APC: variants seen among roughly 807,000 people sequenced by gnomAD.
The protein encoded by APC is adenomatous polyposis coli protein.
A neutral mutation model predicts 247.0 loss-of-function variants in APC; 72 were observed. That is an observed-to-expected ratio of 0.29 (90% CI 0.24 to 0.35). APC has a LOEUF of 0.35. APC is among the 10% of genes least tolerant of loss of function. The probability of loss-of-function intolerance (pLI) is 1.00; values close to 1 mark genes in which losing one functional copy is unlikely to be tolerated. For missense variants in APC, 3,400 were observed against 3,360.7 expected (o/e 1.01, Z -0.29); for synonymous variants, 1,254 against 1,162.5 (o/e 1.08, Z -1.60).
At chr5:112,747,549 T>C (rs181550957) in intron 1 of APC, among the ~76,000 whole-genome samples, 2 of 152,324 alleles carry the variant, frequency 1.3e-5, no homozygotes, top group Admixed American at 1.3e-4. Flanking sequence ...GATCTAAATG[T>C]AAAGTAAAAT....
chr5:112,810,868 T>C (rs985884139), intron 8 of APC, among the ~76,000 whole-genome samples: 4 of 152,060 alleles, frequency 2.6e-5, no homozygotes, highest in South Asian at 2.1e-4. Flanking sequence ...CTACTAAAAA[T>C]ACAAAACTTA....
intron 6 of APC, among the ~76,000 whole-genome samples, chr5:112,786,315 G>C (rs1758945125): frequency 6.6e-6 from 1 of 152,128 alleles, no homozygotes; most frequent in Non-Finnish European, 1.5e-5. Flanking sequence ...GATGGCAAAT[G>C]ACCAGTAAAA....
intron 1 of APC, among the ~76,000 whole-genome samples, chr5:112,750,885 C>A (rs1455236831): frequency 6.6e-6 from 1 of 152,040 alleles, no homozygotes; most frequent in Non-Finnish European, 1.5e-5. Context: ...GCAAGTTATC[C>A]TAGTGTGTTG....
At chr5:112,721,716 GA>G (rs1234285251) in intron 1 of APC, among the ~76,000 whole-genome samples, 1 of 152,056 alleles carries the variant, frequency 6.6e-6, no homozygotes, top group East Asian at 1.9e-4. Flanking sequence ...GAAAGGAGGA[GA>G]AATGGTTTGG....
intron 6 of APC, among the ~76,000 whole-genome samples, chr5:112,782,408 T>C (rs1333634224): frequency 1.3e-5 from 2 of 152,164 alleles, no homozygotes; most frequent in Non-Finnish European, 2.9e-5. Flanking sequence ...ATGTATATTC[T>C]ATCTGTTTTG....
At chr5:112,759,356 CTT>C (rs887438895) in intron 2 of APC, among the ~76,000 whole-genome samples, 3 of 122,352 alleles carry the variant, frequency 2.5e-5, no homozygotes, top group African/African-American at 3.3e-5. Context: ...TTCTTTCTTT[CTT>C]TTTTTTTTTT....
intron 1 of APC, among the ~76,000 whole-genome samples, chr5:112,710,072 C>CTGG (rs1750761684): frequency 2.0e-5 from 3 of 152,286 alleles, no homozygotes; most frequent in Middle Eastern, 3.4e-3. Flanking sequence ...CCATGATCAT[C>CTGG]AGCTTTTACT....
At chr5:112,818,560 A>G (rs1242425191) in intron 9 of APC, among the ~76,000 whole-genome samples, 1 of 152,210 alleles carries the variant, frequency 6.6e-6, no homozygotes, top group Non-Finnish European at 1.5e-5. Context: ...AAGAAATAAG[A>G]TAAAGTTTTA....
intron 1 of APC, among the ~76,000 whole-genome samples, chr5:112,750,455 CT>C (rs1013222764): frequency 3.1e-4 from 45 of 144,142 alleles, no homozygotes; most frequent in East Asian, 1.2e-3. Context: ...GATGAGCATT[CT>C]TTTTTTTTTT....
rs950798211 is a variant in APC at position 112,812,686 on chromosome 5, C to G, written c.835-2809C>G. ...ATCTTCCTGTGTGTTCATATAGTTTCTGTCAAAGCACTTACCCACACGTAT... is the reference window on the plus strand; with the variant it reads ...ATCTTCCTGTGTGTTCATATAGTTTGTGTCAAAGCACTTACCCACACGTAT... On this transcript the variant is annotated intron_variant, in intron 8 of 15. Transcript: ENST00000257430. 1.2e-4 allele frequency among the ~76,000 whole-genome samples: 19 copies of G among 152,306 alleles called. No individual in the cohort carries two copies. The East Asian group carries it at 3.1e-3, about 25-fold the overall frequency.
intron 1 of APC, among the ~76,000 whole-genome samples, chr5:112,743,552 A>T (rs1419992758): frequency 6.6e-6 from 1 of 152,238 alleles, no homozygotes; most frequent in Non-Finnish European, 1.5e-5. Context: ...GATCACCAAG[A>T]TGGTAAGCAG....
intron 1 of APC, among the ~76,000 whole-genome samples, chr5:112,713,441 C>T (rs1330448302): frequency 2.6e-5 from 4 of 152,146 alleles, no homozygotes; most frequent in African/African-American, 7.2e-5. Flanking sequence ...GCCCTCTTTC[C>T]GATGTCCATC....
intron 6 of APC, among the ~76,000 whole-genome samples, chr5:112,782,812 TGAAA>T (rs377422175): frequency 5.5e-4 from 83 of 152,230 alleles, no homozygotes; most frequent in African/African-American, 1.9e-3. Context: ...AACAGGTACC[TGAAA>T]GAAAGTGAAA....
At chr5:112,765,664 A>G (rs1416789099) in intron 2 of APC, among the ~76,000 whole-genome samples, 2 of 151,360 alleles carry the variant, frequency 1.3e-5, no homozygotes, top group African/African-American at 4.8e-5. Flanking sequence ...ATTAAGTAGC[A>G]TGCAATAAGA....
At chr5:112,748,600 G>T (rs569485972) in intron 1 of APC, among the ~76,000 whole-genome samples, 3 of 152,014 alleles carry the variant, frequency 2.0e-5, no homozygotes, top group African/African-American at 7.2e-5. Context: ...GGTGTGGAGC[G>T]CCTGTAATCC....
intron 1 of APC, among the ~76,000 whole-genome samples, chr5:112,719,695 C>A (rs983700001): frequency 6.6e-6 from 1 of 151,888 alleles, no homozygotes; most frequent in Non-Finnish European, 1.5e-5. Context: ...CCATCACACC[C>A]GGCTAATTTT....
At chr5:112,804,803 G>A (rs1761202189) in intron 8 of APC, among the ~76,000 whole-genome samples, 2 of 152,038 alleles carry the variant, frequency 1.3e-5, no homozygotes, top group Non-Finnish European at 2.9e-5. Flanking sequence ...AGTTCAACCT[G>A]GGCAACATAG....
chr5:112,837,827 C>T lies in APC; in HGVS notation c.2233C>T (p.Pro745Ser), dbSNP rs1580619636. ...GTACAAGGATGCCAATATTATGTCTCCTGGCTCAAGCTTGCCATCTCTTCA... is the reference window on the plus strand; with the variant it reads ...GTACAAGGATGCCAATATTATGTCTTCTGGCTCAAGCTTGCCATCTCTTCA... ...AKYKDANIMS[P>S]GSSLPSLHVR... The change falls in exon 16 of 16, where the codon CCT becomes TCT. Residue 745 changes from proline to serine, a missense_variant. Around this residue, in one of 9 missense-constraint regions of APC, gnomAD observed 91 missense variants for 103.3 expected, o/e 0.88. Coordinates refer to ENST00000257430, the MANE Select transcript of APC (RefSeq NM_000038.6). The T allele has an allele frequency of 1.2e-6, 2 of 1,613,964 alleles. No homozygotes were observed. The highest frequency in any genetic ancestry group is 2.2e-5 in the South Asian group (2 of 91,076).
intron 4 of APC, among the ~76,000 whole-genome samples, chr5:112,769,656 G>A (rs1300628768): frequency 6.6e-6 from 1 of 152,022 alleles, no homozygotes; most frequent in Admixed American, 6.6e-5. Flanking sequence ...CTGTGACCTT[G>A]GTTAAGTCAT....
Sources: gnomAD v4.1 joint callset for allele counts (sites outside exome capture counted in the v4.1 genomes callset) on GRCh38, gnomAD v4.1.1 for gene constraint, gnomAD v4.1.1 regional missense constraint, MANE v1.5 for transcripts, NCBI Gene and HGNC (gene_info 2026-07-23, HGNC 2026-07-21) for gene names.